The following SORT1 variants were observed in gnomAD, a reference collection of about 807,000 sequenced individuals.
The protein encoded by SORT1 is sortilin 1, also known as sortilin.
In SORT1, 39 loss-of-function variants were observed where a neutral mutation model predicts 101.7. That is an observed-to-expected ratio of 0.38 (90% CI 0.30 to 0.50). SORT1 has a LOEUF of 0.50. SORT1 is among the 20% of genes least tolerant of loss of function. The pLI, the probability that SORT1 is intolerant of heterozygous loss-of-function variation, is 0.90. For missense variants in SORT1, 878 were observed against 1,040.4 expected (o/e 0.84, Z 2.15); for synonymous variants, 396 against 393.7 (o/e 1.01, Z -0.07).
chr1:109,358,778 G>A (rs1004791740), intron 3 of SORT1, among the ~76,000 whole-genome samples: 2 of 151,784 alleles, frequency 1.3e-5, no homozygotes, highest in Non-Finnish European at 2.9e-5. Flanking sequence ...GCTTGACCCC[G>A]GGAGGCAGAG....
intron 1 of SORT1, among the ~76,000 whole-genome samples, chr1:109,380,332 C>T (rs559425254): frequency 6.6e-6 from 1 of 151,950 alleles, no homozygotes; most frequent in South Asian, 2.1e-4. Context: ...ATTTTTATAA[C>T]CTTGGAATGG....
rs1647247641 is a variant in SORT1 at position 109,316,858 on chromosome 1, C to G, written c.2242G>C (p.Glu748Gln). The G allele has an allele frequency of 2.5e-6, 4 of 1,601,642 alleles. No homozygotes were observed. Among genetic ancestry groups the G allele is most frequent in the Non-Finnish European group, 3.4e-6 (4 of 1,171,834 alleles). ...KKCTSNFLSPEKQNSKSNSVP... is the reference protein window; with the variant it reads ...KKCTSNFLSPQKQNSKSNSVP... ...GACCTATTTTAACATACCTGTTTTT[C>G]CGGACTCAAAAAGTTGCTTGTGCAT... is the stretch of plus-strand genomic sequence containing the variant. Residue 748 changes from glutamate to glutamine, a missense_variant, in exon 17 of 20, where the codon GAA becomes CAA. By Grantham distance (29) the Glu-to-Gln change is conservative. Around this residue, in one of 2 missense-constraint regions of SORT1, gnomAD observed 684 missense variants for 894.5 expected, o/e 0.76. Coordinates refer to ENST00000256637, the MANE Select transcript of SORT1 (RefSeq NM_002959.7).
intron 1 of SORT1, among the ~76,000 whole-genome samples, chr1:109,383,402 T>C (rs915214836): frequency 2.0e-5 from 3 of 152,230 alleles, no homozygotes; most frequent in Admixed American, 2.0e-4. Context: ...AGGCATCTTA[T>C]GTACAGAAAT....
chr1:109,361,040 T>C (rs1249697177), intron 3 of SORT1, among the ~76,000 whole-genome samples: 1 of 152,224 alleles, frequency 6.6e-6, no homozygotes, highest in Non-Finnish European at 1.5e-5. Flanking sequence ...CTTGGCCACA[T>C]CCTAATTATT....
In SORT1 at chr1:109,309,912, C is replaced by T. The variant is rs1341621394; in HGVS notation, c.*4131G>A. 1 of 152,618 alleles carries T rather than the reference C, an allele frequency of 6.6e-6. No individual in the cohort carries two copies. Among genetic ancestry groups the T allele is most frequent in the Non-Finnish European group, 1.5e-5 (1 of 68,056 alleles). The allele number at this position is 152,618 out of a possible 1,614,324, so 9.5% of individuals were successfully genotyped here. Reference sequence around the variant, plus strand: ...ACAGCCTGGGGAAGGACCACATGCTCAGAAAGGGAACAAGAGAGAGGGCTG... The same window carrying T: ...ACAGCCTGGGGAAGGACCACATGCTTAGAAAGGGAACAAGAGAGAGGGCTG... On this transcript the variant is annotated 3_prime_UTR_variant, in exon 20 of 20. Transcript: ENST00000256637.
chr1:109,377,673 T>A (rs953872949), intron 1 of SORT1, among the ~76,000 whole-genome samples: 2 of 152,178 alleles, frequency 1.3e-5, no homozygotes, highest in Non-Finnish European at 2.9e-5. Flanking sequence ...GCAGGGGTAG[T>A]CTATATAGAA....
At chr1:109,337,043 T>C (rs565090596) in intron 10 of SORT1, among the ~76,000 whole-genome samples, 27 of 152,238 alleles carry the variant, frequency 1.8e-4, no homozygotes, top group African/African-American at 5.3e-4. Flanking sequence ...ACTAGCCTTG[T>C]TTTAGGGACT....
chr1:109,336,125 C>G, intron 11 of SORT1, 115 bp downstream of exon 11: 1 of 649,334 alleles, frequency 1.5e-6, no homozygotes. Flanking sequence ...TCCAAACTTT[C>G]CACCTTATGC....
chr1:109,362,518 T>C (rs945984387), intron 3 of SORT1, among the ~76,000 whole-genome samples: 1 of 152,180 alleles, frequency 6.6e-6, no homozygotes, highest in African/African-American at 2.4e-5. Context: ...AGTGTCTTTT[T>C]CCCCCACTGT....
chr1:109,350,631 T>C (rs1649901393), intron 6 of SORT1, among the ~76,000 whole-genome samples: 1 of 152,254 alleles, frequency 6.6e-6, no homozygotes, highest in African/African-American at 2.4e-5. Flanking sequence ...TTTTATTGTA[T>C]TTTAATTGAT....
intron 10 of SORT1, among the ~76,000 whole-genome samples, chr1:109,338,662 T>A (rs532893116): frequency 1.4e-4 from 22 of 152,264 alleles, no homozygotes; most frequent in African/African-American, 5.3e-4. Context: ...GAAGACTCAC[T>A]TTATTACCTA....
intron 1 of SORT1, among the ~76,000 whole-genome samples, chr1:109,380,670 T>C (rs1652162612): frequency 6.6e-6 from 1 of 151,800 alleles, no homozygotes. Flanking sequence ...TTTGAAAAGC[T>C]ATTTAATCTC....
At chr1:109,340,907 T>G in intron 9 of SORT1, 28 bp from the exon 10 acceptor site, 2 of 1,589,050 alleles carry the variant, frequency 1.3e-6, no homozygotes, top group South Asian at 1.1e-5. Context: ...ACAAAAATAC[T>G]AAGTCTTGGG....
rs554473556 is a variant in SORT1 at position 109,369,325 on chromosome 1, C to T, written c.366+205G>A. ...CAACAAGAGCGAAACTCCGTCCCCA[C>T]CCCCCCGCAAAAAAGATGTTCCCAA... On this transcript the variant is annotated intron_variant, in intron 2 of 19. Transcript: ENST00000256637. Among the ~76,000 whole-genome samples, 25 of 151,838 alleles carry T rather than the reference C, an allele frequency of 1.6e-4. No homozygotes were observed. In the South Asian group the frequency reaches 2.3e-3, roughly 14 times the overall value.
chr1:109,329,569 A>G (rs1648320813), intron 11 of SORT1, among the ~76,000 whole-genome samples: 1 of 152,206 alleles, frequency 6.6e-6, no homozygotes, highest in African/African-American at 2.4e-5. Context: ...GGCTATATTT[A>G]TATCAGACAA....
intron 1 of SORT1, among the ~76,000 whole-genome samples, chr1:109,396,686 A>G (rs1359135184): frequency 2.0e-5 from 3 of 152,222 alleles, no homozygotes; most frequent in Non-Finnish European, 4.4e-5. Flanking sequence ...CTCTGCCCCC[A>G]AGTGCAATTC....
Position 109,312,528 on chromosome 1 carries a change from A to AC in SORT1, c.*1514dup, listed in dbSNP as rs1658791176. 7.0e-6 allele frequency: 1 copy of AC among 143,148 alleles called. No individual in the cohort carries two copies. Among genetic ancestry groups the AC allele is most frequent in the Non-Finnish European group, 1.5e-5 (1 of 64,520 alleles). 8.9% of individuals were successfully genotyped at this position (143,148 alleles called of 1,614,324 possible). A position where few individuals can be genotyped will look rare whatever the true frequency, so the allele number is the denominator to read the frequency against. On this transcript the variant is annotated 3_prime_UTR_variant, in exon 20 of 20. Transcript: ENST00000256637. ...GCACTTCAAATAAAAAAAAAAAAAA[A>AC]CACACAAAACTGACTTTCTAGCCAC...
rs1264653930 is a variant in SORT1, at chr1:109,348,550, G to A, written c.783-1018C>T. ...GTCACCTAGTTTGGAGTGCAGTGGT[G>A]CAATCACAGCTCACTGCAGCCTCGA... is the stretch of plus-strand genomic sequence containing the variant. On this transcript the variant is annotated intron_variant, in intron 6 of 19. Coordinates refer to ENST00000256637, the MANE Select transcript of SORT1 (RefSeq NM_002959.7). Among the ~76,000 whole-genome samples the A allele has an allele frequency of 3.3e-5, 5 of 152,172 alleles. No individual in the cohort carries two copies. The East Asian group carries it at 9.6e-4, about 29-fold the overall frequency.
At chr1:109,356,879 C>G (rs1034599408) in intron 3 of SORT1, among the ~76,000 whole-genome samples, 1 of 152,210 alleles carries the variant, frequency 6.6e-6, no homozygotes, top group African/African-American at 2.4e-5. Context: ...TTACACAATA[C>G]AAAATGCTAA....
Sources: gnomAD v4.1 joint callset for allele counts (sites outside exome capture counted in the v4.1 genomes callset) on GRCh38, gnomAD v4.1.1 for gene constraint, gnomAD v4.1.1 regional missense constraint, MANE v1.5 for transcripts, NCBI Gene and HGNC (gene_info 2026-07-23, HGNC 2026-07-21) for gene names.